WDFY3: variants seen among roughly 807,000 people sequenced by gnomAD.
The protein encoded by WDFY3 is WD repeat and FYVE domain containing 3.
A neutral mutation model predicts 409.6 loss-of-function variants in WDFY3; 66 were observed. The ratio of observed to expected loss-of-function variants is 0.16; its 90% CI spans 0.13 to 0.20. WDFY3 has a LOEUF of 0.20. Ranked by LOEUF, WDFY3 falls within the 10% of genes least tolerant of loss-of-function variation. The probability of loss-of-function intolerance (pLI) is 1.00; values close to 1 mark genes in which losing one functional copy is unlikely to be tolerated. For missense variants in WDFY3, 3,031 were observed against 4,298.1 expected, an observed-to-expected ratio of 0.71 and a Z score of 8.24; for synonymous variants, 1,521 against 1,537.1, an observed-to-expected ratio of 0.99 and a Z score of 0.25.
intron 47 of WDFY3, 130 bp from the exon 48 acceptor site, chr4:84,718,700 T>G: frequency 2.7e-6 from 3 of 1,113,862 alleles, no homozygotes; most frequent in Non-Finnish European, 3.7e-6. Context: ...AGATTAAGCT[T>G]AGATTACAGT....
At chr4:84,832,911 GA>G (rs972852213) in intron 7 of WDFY3, among the ~76,000 whole-genome samples, 3 of 150,778 alleles carry the variant, frequency 2.0e-5, no homozygotes, top group African/African-American at 7.3e-5. Context: ...GACAGTTTTA[GA>G]AAAAAAAGGA....
At chr4:84,806,173 G>T (rs1337216684) in intron 15 of WDFY3, among the ~76,000 whole-genome samples, 1 of 152,164 alleles carries the variant, frequency 6.6e-6, no homozygotes, top group Non-Finnish European at 1.5e-5. Context: ...TTGTTGAGAG[G>T]TTCTAGAAAC....
intron 1 of WDFY3, among the ~76,000 whole-genome samples, chr4:84,942,260 G>A (rs902929301): frequency 2.6e-5 from 4 of 151,838 alleles, no homozygotes; most frequent in Admixed American, 1.3e-4. Context: ...ATGAAATTAA[G>A]CCAAAAACTG....
At chr4:84,680,968 T>C (rs1261519651) in intron 64 of WDFY3, among the ~76,000 whole-genome samples, 1 of 152,226 alleles carries the variant, frequency 6.6e-6, no homozygotes, top group Non-Finnish European at 1.5e-5. Context: ...ATACTTTATT[T>C]GCCTGCTTCC....
intron 1 of WDFY3, among the ~76,000 whole-genome samples, chr4:84,953,786 T>G (rs1192348036): frequency 6.6e-6 from 1 of 152,182 alleles, no homozygotes; most frequent in Non-Finnish European, 1.5e-5. Flanking sequence ...GAGTGAAATC[T>G]ATCAATTTTA....
intron 44 of WDFY3, among the ~76,000 whole-genome samples, chr4:84,728,470 C>T (rs1736030139): frequency 6.6e-6 from 1 of 151,902 alleles, no homozygotes; most frequent in South Asian, 2.1e-4. Context: ...GTCCAGGCTG[C>T]AGTGAGCCAA....
At chr4:84,922,023 AT>A (rs753457646) in intron 2 of WDFY3, among the ~76,000 whole-genome samples, 1 of 151,944 alleles carries the variant, frequency 6.6e-6, no homozygotes, top group Non-Finnish European at 1.5e-5. Context: ...TTTATTGTAT[AT>A]AAAAATATAC....
intron 50 of WDFY3, 37 bp downstream of exon 50, chr4:84,715,261 C>T: frequency 7.9e-7 from 1 of 1,259,972 alleles, no homozygotes; most frequent in Non-Finnish European, 1.1e-6. Context: ...CCATATCTTC[C>T]CATAATAGTA....
At chr4:84,937,998 C>T (rs1454289690) in intron 1 of WDFY3, among the ~76,000 whole-genome samples, 1 of 152,044 alleles carries the variant, frequency 6.6e-6, no homozygotes, top group African/African-American at 2.4e-5. Flanking sequence ...TACTCTTATG[C>T]TTTGGGGCCA....
chr4:84,893,233 G>A lies in WDFY3; in HGVS notation c.-32+3678C>T, dbSNP rs142435182. On this transcript the variant is annotated intron_variant, in intron 3 of 67. Transcript: ENST00000295888. ...TGCCACTCTTTTCTGCAAAAAAAAG[G>A]TACATCTGTGTCTTTCCCTGCAGCT... Among the ~76,000 whole-genome samples, 795 of 152,268 alleles carry A rather than the reference G, an allele frequency of 5.2e-3. 9 individuals are homozygous for A. Among genetic ancestry groups the A allele is most frequent in the African/African-American group, 0.018 (748 of 41,530 alleles).
chr4:84,862,781 A>G (rs1471935915), intron 3 of WDFY3, among the ~76,000 whole-genome samples: 2 of 152,028 alleles, frequency 1.3e-5, no homozygotes, highest in Admixed American at 6.6e-5. Context: ...AGGTCAGGGG[A>G]TCGAGACTAT....
In WDFY3 at chr4:84,930,294, C is replaced by T. The variant is rs552695088; in HGVS notation, c.-132+1976G>A. On this transcript the variant is annotated intron_variant, in intron 2 of 67. Coordinates refer to ENST00000295888, the MANE Select transcript of WDFY3 (RefSeq NM_014991.6). Reference sequence around the variant, plus strand: ...TAAGAAAAAAGATATTAGTCCATACCGGAAAATCTTAGGACCACAGATATT... The same window carrying T: ...TAAGAAAAAAGATATTAGTCCATACTGGAAAATCTTAGGACCACAGATATT... Among the ~76,000 whole-genome samples, 13 of 152,184 alleles carry T rather than the reference C, an allele frequency of 8.5e-5. No homozygotes were observed. The South Asian group carries it at 2.1e-3, about 24-fold the overall frequency.
chr4:84,722,048 G>A (rs1446414549), intron 46 of WDFY3, among the ~76,000 whole-genome samples: 1 of 152,164 alleles, frequency 6.6e-6, no homozygotes, highest in Non-Finnish European at 1.5e-5. Context: ...GGGACACCAT[G>A]AATAAATAAT....
rs1457659856 is a variant in WDFY3 at position 84,677,537 on chromosome 4, G to A, written c.10260-141C>T. 1.4e-5 allele frequency: 10 copies of A among 700,420 alleles called. No homozygotes were observed. In the East Asian group the frequency reaches 2.9e-4, roughly 21 times the overall value. The allele number at this position is 700,420 out of a possible 1,614,324, so 43.4% of individuals were successfully genotyped here. ...GGAGAGACCCCTTGATTCACTCAGA[G>A]ATGTATGTGTAAACAGACAAAAACT... On this transcript the variant is annotated intron_variant, in intron 66 of 67. Coordinates refer to ENST00000295888, the MANE Select transcript of WDFY3 (RefSeq NM_014991.6).
chr4:84,716,654 C>T (rs1453031611), intron 49 of WDFY3, among the ~76,000 whole-genome samples: 2 of 151,014 alleles, frequency 1.3e-5, no homozygotes, highest in Non-Finnish European at 3.0e-5. Context: ...AAAAAATTAG[C>T]CTGGCGTGGT....
chr4:84,688,858 G>C (rs905673546), intron 61 of WDFY3, among the ~76,000 whole-genome samples: 1 of 152,206 alleles, frequency 6.6e-6, no homozygotes, highest in Admixed American at 6.5e-5. Context: ...GTGCCTGAGA[G>C]GAATTCTTTC....
intron 21 of WDFY3, 134 bp from the exon 22 acceptor site, chr4:84,790,041 A>G: frequency 1.0e-6 from 1 of 1,003,642 alleles, no homozygotes. Flanking sequence ...GTAATAATAC[A>G]ACTCTGGAAA....
At chr4:84,705,616 A>T in intron 53 of WDFY3, 105 bp from the exon 54 acceptor site, 1 of 906,260 alleles carries the variant, frequency 1.1e-6, no homozygotes, top group Non-Finnish European at 1.8e-6. Context: ...TAAACGCACT[A>T]GTATCTGTGG....
chr4:84,679,874 G>GTA (rs377394669), intron 64 of WDFY3, among the ~76,000 whole-genome samples: 1,798 of 146,860 alleles, frequency 0.012, 14 homozygotes, highest in African/African-American at 0.022. Context: ...ACGTACGTGT[G>GTA]TATATATATA....
Sources: gnomAD v4.1 joint callset for allele counts (sites outside exome capture counted in the v4.1 genomes callset) on GRCh38, gnomAD v4.1.1 for gene constraint, MANE v1.5 for transcripts, NCBI Gene and HGNC (gene_info 2026-07-23, HGNC 2026-07-21) for gene names.